ERP44: variants seen among roughly 807,000 people sequenced by gnomAD.
ERP44 encodes endoplasmic reticulum protein 44, also known as endoplasmic reticulum resident protein 44.
A neutral mutation model predicts 53.4 loss-of-function variants in ERP44; 25 were observed. The ratio of observed to expected loss-of-function variants is 0.47; its 90% CI spans 0.34 to 0.65. ERP44 has a LOEUF of 0.65. Ranked by LOEUF, ERP44 falls within the 30% of genes least tolerant of loss-of-function variation. The pLI is 0.01. For synonymous variants in ERP44, 145 were observed against 161.2 expected (o/e 0.90, Z 0.76); for missense variants, 338 against 493.2 (o/e 0.69, Z 2.98).
chr9:100,067,077 A>G (rs1826218065), intron 1 of ERP44, among the ~76,000 whole-genome samples: 1 of 152,222 alleles, frequency 6.6e-6, no homozygotes, highest in Admixed American at 6.5e-5. Flanking sequence ...ATTTATAAAG[A>G]AACACTAGAA....
At chr9:100,093,641 TG>T (rs1564108099) in intron 1 of ERP44, among the ~76,000 whole-genome samples, 2 of 148,806 alleles carry the variant, frequency 1.3e-5, no homozygotes, top group South Asian at 2.2e-4. Context: ...AGACCCTGTC[TG>T]TGGGGGGGGA....
rs140869625 is a variant in ERP44, at chr9:100,042,800, T to C, written c.286+9617A>G. 6.0e-4 allele frequency among the ~76,000 whole-genome samples: 91 copies of C among 152,238 alleles called. 1 individual carries two copies. Among genetic ancestry groups the C allele is most frequent in the African/African-American group, 2.0e-3 (83 of 41,536 alleles). Reference sequence around the variant, plus strand: ...CTGGAGGTTACTAGGTTAAGTGAAATAAGCCAGGCACAGGAAAACATTGCA... The same window carrying C: ...CTGGAGGTTACTAGGTTAAGTGAAACAAGCCAGGCACAGGAAAACATTGCA... On this transcript the variant is annotated intron_variant, in intron 4 of 11. Transcript: ENST00000262455.
intron 7 of ERP44, among the ~76,000 whole-genome samples, chr9:100,017,538 T>C (rs1406392052): frequency 6.6e-6 from 1 of 152,180 alleles, no homozygotes; most frequent in Non-Finnish European, 1.5e-5. Context: ...GAATTCAAAA[T>C]AGAATATGAA....
chr9:100,007,453 G>A, intron 9 of ERP44, 125 bp downstream of exon 9: 1 of 621,974 alleles, frequency 1.6e-6, no homozygotes, highest in East Asian at 2.8e-5. Context: ...ATTTGAATGT[G>A]TTAAAATAAG....
At chr9:100,067,347 C>T (rs1314148070) in intron 1 of ERP44, among the ~76,000 whole-genome samples, 1 of 150,274 alleles carries the variant, frequency 6.7e-6, no homozygotes, top group African/African-American at 2.5e-5. Flanking sequence ...CGCGCCGCCG[C>T]GCCTGACTGG....
chr9:100,063,092 A>AAAAAAAAAAAAAAAAGAG (rs773290883), intron 1 of ERP44, among the ~76,000 whole-genome samples: 2 of 145,238 alleles, frequency 1.4e-5, no homozygotes, highest in African/African-American at 2.6e-5. Flanking sequence ...AAAAAAAAAA[A>AAAAAAAAAAAAAAAAGAG]AGAGAGAGAG....
At position 100,048,185 on chromosome 9, in the gene ERP44, G is replaced by T. The variant is rs145533026; in HGVS notation, c.286+4232C>A. Among the ~76,000 whole-genome samples, 734 of 152,116 alleles carry T rather than the reference G, an allele frequency of 4.8e-3. 15 individuals carry two copies. Among genetic ancestry groups the T allele is most frequent in the Non-Finnish European group, 2.7e-3 (183 of 67,974 alleles). On this transcript the variant is annotated intron_variant, in intron 4 of 11. Coordinates refer to ENST00000262455, the MANE Select transcript of ERP44 (RefSeq NM_015051.3). ...GAGCCCAGGAGTTGGGTGGGTGGAG[G>T]GGGGAGGGATAGCATTAGGAGATAT...
chr9:100,090,332 C>T (rs972064993), intron 1 of ERP44, among the ~76,000 whole-genome samples: 6 of 152,146 alleles, frequency 3.9e-5, no homozygotes, highest in South Asian at 2.1e-4. Flanking sequence ...CTCAAGGTAA[C>T]GCCAAATGAC....
intron 2 of ERP44, among the ~76,000 whole-genome samples, chr9:100,058,602 A>G (rs968367623): frequency 6.6e-6 from 1 of 152,200 alleles, no homozygotes; most frequent in African/African-American, 2.4e-5. Context: ...CCTAGTTGCA[A>G]CAAGTAATCT....
chr9:100,039,365 G>A (rs182057832), intron 4 of ERP44, among the ~76,000 whole-genome samples: 16 of 152,156 alleles, frequency 1.1e-4, no homozygotes, highest in African/African-American at 3.4e-4. Context: ...AATAAAACTA[G>A]AAATGGATAA....
At chr9:100,070,104 A>G (rs1474005601) in intron 1 of ERP44, among the ~76,000 whole-genome samples, 1 of 152,224 alleles carries the variant, frequency 6.6e-6, no homozygotes, top group African/African-American at 2.4e-5. Context: ...AGTACTAACA[A>G]AGCATGGGAA....
At chr9:99,994,595 T>C (rs878951821) in intron 10 of ERP44, among the ~76,000 whole-genome samples, 5 of 152,108 alleles carry the variant, frequency 3.3e-5, no homozygotes, top group Admixed American at 1.3e-4. Flanking sequence ...GGCATACATA[T>C]ACATAAGTAA....
At chr9:100,001,996 T>G (rs1259768012) in intron 10 of ERP44, among the ~76,000 whole-genome samples, 3 of 152,110 alleles carry the variant, frequency 2.0e-5, no homozygotes, top group African/African-American at 7.2e-5. Context: ...AGTTTTTTGC[T>G]TTGTGGTTAC....
intron 1 of ERP44, among the ~76,000 whole-genome samples, chr9:100,072,069 A>G (rs759371803): frequency 1.3e-5 from 2 of 152,206 alleles, no homozygotes; most frequent in Non-Finnish European, 2.9e-5. Flanking sequence ...AGAATCTTTA[A>G]TGCTGTCCCA....
chr9:100,043,339 G>C (rs190976828), intron 4 of ERP44, among the ~76,000 whole-genome samples: 2 of 131,306 alleles, frequency 1.5e-5, no homozygotes, highest in African/African-American at 2.8e-5. Context: ...GACTATAGTA[G>C]AAACTAATTT....
At chr9:99,991,043 T>G (rs988864823) in intron 10 of ERP44, among the ~76,000 whole-genome samples, 1 of 152,014 alleles carries the variant, frequency 6.6e-6, no homozygotes, top group Non-Finnish European at 1.5e-5. Context: ...ACAAAGAGAC[T>G]TAGACTCCCA....
chr9:100,006,737 A>C, intron 9 of ERP44, 90 bp from the exon 10 acceptor site: 1 of 835,674 alleles, frequency 1.2e-6, no homozygotes, highest in Non-Finnish European at 1.8e-6. Context: ...TGACATACTA[A>C]AAAAAAAGCA....
intron 10 of ERP44, among the ~76,000 whole-genome samples, chr9:99,988,745 G>A (rs1407604455): frequency 6.6e-6 from 1 of 152,192 alleles, no homozygotes; most frequent in African/African-American, 2.4e-5. Flanking sequence ...CACCCAGGAA[G>A]CACAAGGGAT....
At chr9:100,087,311 C>G (rs1298507884) in intron 1 of ERP44, among the ~76,000 whole-genome samples, 1 of 152,064 alleles carries the variant, frequency 6.6e-6, no homozygotes, top group Non-Finnish European at 1.5e-5. Context: ...TTTTTGTTGG[C>G]ATAATGACAA....
Sources: gnomAD v4.1 joint callset for allele counts (sites outside exome capture counted in the v4.1 genomes callset) on GRCh38, gnomAD v4.1.1 for gene constraint, MANE v1.5 for transcripts, NCBI Gene and HGNC (gene_info 2026-07-23, HGNC 2026-07-21) for gene names.